Variants in TRIM48 observed in about 807,000 individuals in gnomAD.
TRIM48 encodes the protein tripartite motif containing 48, also known as E3 ubiquitin-protein ligase TRIM48.
TRIM48 carries 31 observed loss-of-function variants against 29.5 expected under a neutral mutation model. The observed-to-expected ratio is 1.05, with a 90% CI of 0.79 to 1.42. TRIM48 has a LOEUF of 1.42. Among genes scored for constraint, TRIM48 ranks in the 40% most tolerant of loss-of-function variants. TRIM48 has a pLI of 0.00. For missense variants in TRIM48, 344 were observed against 265.0 expected (o/e 1.30, Z -2.07); for synonymous variants, 128 against 90.6 (o/e 1.41, Z -2.34).
rs1333092543 is a variant in TRIM48, at chr11:55,268,827, G to A, written c.579-415G>A. Among the ~76,000 whole-genome samples the A allele has an allele frequency of 1.8e-4, 26 of 147,906 alleles. 2 individuals carry two copies. Among genetic ancestry groups the A allele is most frequent in the African/African-American group, 6.4e-4 (26 of 40,442 alleles). ...TCTCTAGGGAAGCTTGTTTCTAAAA[G>A]GCAGGTCTAGCTGCCTAGGACAAGT... On this transcript the variant is annotated intron_variant, in intron 4 of 5. Coordinates refer to ENST00000417545, the MANE Select transcript of TRIM48 (RefSeq NM_024114.5).
In TRIM48 at chr11:55,268,372, G is replaced by C. The variant is rs1389882555; in HGVS notation, c.578G>C (p.Arg193Thr). The change falls in exon 4 of 6, where the codon AGG becomes ACG. Residue 193 changes from arginine (R) to threonine (T), a missense_variant and splice_region_variant. By Grantham distance (71) the Arg-to-Thr change is moderately conservative. Coordinates refer to ENST00000417545, the MANE Select transcript of TRIM48 (RefSeq NM_024114.5). ...HWKAFGDILYRSESVLLHMPQ... is the reference protein window; with the variant it reads ...HWKAFGDILYTSESVLLHMPQ... ...CAGGCTTTTGGAGACATATTATACAGGTGAGTATGTACCTGGATTTTAGCA... is the reference window on the plus strand; with the variant it reads ...CAGGCTTTTGGAGACATATTATACACGTGAGTATGTACCTGGATTTTAGCA... 1 of 1,553,258 alleles carries C rather than the reference G, an allele frequency of 6.4e-7. No homozygotes were observed. The highest frequency in any genetic ancestry group is 1.4e-5 in the African/African-American group (1 of 72,362).
In TRIM48 at chr11:55,268,584, T is replaced by C. The variant is rs920419298; in HGVS notation, c.578+212T>C. On this transcript the variant is annotated intron_variant, in intron 4 of 5. Transcript: ENST00000417545. ...AGTAAAATTTTAAAAAACATGTTTA[T>C]TCCTGACTTTGTTTTATTGCTTAAA... Among the ~76,000 whole-genome samples the C allele has an allele frequency of 4.1e-5, 6 of 147,954 alleles. 1 individual carries two copies. The highest frequency in any genetic ancestry group is 4.9e-5 in the African/African-American group (2 of 40,536).
In TRIM48 at chr11:55,265,023, C is replaced by A. The variant is rs148153383; in HGVS notation, c.168C>A (p.Tyr56Ter). ...ACAGCTTTTGCAGGCCCTGTTTCTA[C>A]CTCAACTGGCAAGACATCCCAATTC... ...CGHSFCRPCF[Y>*]LNWQDIPILT... Residue 56 changes from tyrosine (Y) to a stop codon, truncating the protein, a stop_gained, in exon 2 of 6, where the codon TAC becomes TAA. Transcript: ENST00000417545. LOFTEE classifies it high-confidence loss of function. The A allele has an allele frequency of 3.2e-6, 5 of 1,584,340 alleles. No individual in the cohort carries two copies. In the Admixed American group the frequency reaches 8.5e-5, roughly 27 times the overall value.
rs1425217900 is a variant in TRIM48 at position 55,270,279 on chromosome 11, T to A, written c.*2-158T>A. 4.0e-5 allele frequency among the ~76,000 whole-genome samples: 6 copies of A among 148,188 alleles called. 1 individual carries two copies. The South Asian group carries it at 7.2e-4, about 18-fold the overall frequency. On this transcript the variant is annotated intron_variant, in intron 5 of 5. Transcript: ENST00000417545. Reference sequence around the variant, plus strand: ...TGTCTTGTAGATAATATTAATCATCTCTATACTTTATTAGAAGTTACAAGC... The same window carrying A: ...TGTCTTGTAGATAATATTAATCATCACTATACTTTATTAGAAGTTACAAGC...
At chr11:55,264,345 T>C (rs1391718296) in intron 1 of TRIM48, among the ~76,000 whole-genome samples, 1 of 147,980 alleles carries the variant, frequency 6.8e-6, no homozygotes, top group Admixed American at 6.8e-5. Flanking sequence ...TGGTTTTTTA[T>C]TTTACTTTAA....
intron 5 of TRIM48, among the ~76,000 whole-genome samples, chr11:55,269,900 A>G (rs1177835097): frequency 6.8e-6 from 1 of 148,024 alleles, no homozygotes; most frequent in Admixed American, 6.8e-5. Flanking sequence ...TGTTAAGTCT[A>G]AAATCCAGCT....
Position 55,265,356 on chromosome 11 carries a change from T to A in TRIM48, c.459+42T>A, listed in dbSNP as rs192689465. 2.3e-5 allele frequency: 37 copies of A among 1,579,334 alleles called. 4 individuals are homozygous for A. In the African/African-American group the frequency reaches 4.2e-4, roughly 18 times the overall value. On this transcript the variant is annotated intron_variant, in intron 2 of 5. Transcript: ENST00000417545. ...AAGATCTATTTCTATAAAGGACACA[T>A]GAAATTCCTGTGGCCCTATTTTCTT... is the stretch of plus-strand genomic sequence containing the variant.
rs1030360446 is a variant in TRIM48, at chr11:55,267,460, T to C, written c.556-890T>C. On this transcript the variant is annotated intron_variant, in intron 3 of 5. Transcript: ENST00000417545. Reference sequence around the variant, plus strand: ...TTAAAGCTGAGTATCAGAAGATGCCTGCATTTCATCATGAAGAAGAAAAAC... The same window carrying C: ...TTAAAGCTGAGTATCAGAAGATGCCCGCATTTCATCATGAAGAAGAAAAAC... 4 of 1,579,104 alleles carry C rather than the reference T, an allele frequency of 2.5e-6. No individual in the cohort carries two copies. The African/African-American group carries it at 4.1e-5, about 16-fold the overall frequency.
At position 55,263,190 on chromosome 11, in the gene TRIM48, T is replaced by C. The variant is rs537229162; in HGVS notation, c.44+879T>C. 1.9e-4 allele frequency among the ~76,000 whole-genome samples: 29 copies of C among 152,244 alleles called. No homozygotes were observed. The East Asian group carries it at 5.4e-3, about 28-fold the overall frequency. On this transcript the variant is annotated intron_variant, in intron 1 of 5. Transcript: ENST00000417545. ...ACTGCACCTTTTCTGTATTTAAATG[T>C]TTACATACTAAATAATTACCACTGT...
Position 55,269,260 on chromosome 11 carries a change from G to A in TRIM48, c.597G>A (p.Leu199=), listed in dbSNP as rs779192114. ...DILYRSESVL[L]HMPQPLNLAL... ...CTTGCAGGAGTGAGTCCGTGCTGCTGCACATGCCCCAGCCTCTGAATCTAG... is the reference window on the plus strand; with the variant it reads ...CTTGCAGGAGTGAGTCCGTGCTGCTACACATGCCCCAGCCTCTGAATCTAG... Residue 199 remains leucine, a synonymous_variant, in exon 5 of 6, where the codon CTG becomes CTA. Transcript: ENST00000417545. 6.3e-7 allele frequency: 1 copy of A among 1,575,660 alleles called. No individual in the cohort carries two copies. Among genetic ancestry groups the A allele is most frequent in the East Asian group, 2.4e-5 (1 of 41,396 alleles).
rs548237300 is a variant in TRIM48, at chr11:55,263,317, C to T, written c.44+1006C>T. On this transcript the variant is annotated intron_variant, in intron 1 of 5. Coordinates refer to ENST00000417545, the MANE Select transcript of TRIM48 (RefSeq NM_024114.5). ...TACCATAGGTTTGTAGCAGGCTATA[C>T]CATCTAGGTTTGTAAAGGTAGATTC... is the stretch of plus-strand genomic sequence containing the variant. Among the ~76,000 whole-genome samples, 10 of 152,096 alleles carry T rather than the reference C, an allele frequency of 6.6e-5. No individual in the cohort carries two copies. In the East Asian group the frequency reaches 1.7e-3, roughly 27 times the overall value.
Position 55,269,300 on chromosome 11 carries a change from C to T in TRIM48, c.637C>T (p.Pro213Ser). ...TCTGAATCTAGCGCTCAGGGCAGGG[C>T]CCATCACTGGACTGAGGGACAGGCT... ...QPLNLALRAG[P>S]ITGLRDRLNQ... The change falls in exon 5 of 6, where the codon CCC becomes TCC. Residue 213 changes from proline (P) to serine (S), a missense_variant. Pro to Ser is a moderately conservative substitution (Grantham distance 74). Coordinates refer to ENST00000417545, the MANE Select transcript of TRIM48 (RefSeq NM_024114.5). 6.3e-7 allele frequency: 1 copy of T among 1,576,032 alleles called. No homozygotes were observed. Among genetic ancestry groups the T allele is most frequent in the Non-Finnish European group, 8.6e-7 (1 of 1,166,032 alleles).
chr11:55,265,497 C>T lies in TRIM48; in HGVS notation c.460-103C>T, dbSNP rs1382747119. 4 of 1,486,094 alleles carry T rather than the reference C, an allele frequency of 2.7e-6. No individual in the cohort carries two copies. In the Admixed American group the frequency reaches 5.8e-5, roughly 22 times the overall value. The allele number at this position is 1,486,094 out of a possible 1,614,324, so 92.1% of individuals were successfully genotyped here. A position where few individuals can be genotyped will look rare whatever the true frequency, so the allele number is the denominator to read the frequency against. ...AGTGAAACAGAAGAAATGCCATTTA[C>T]TAGGGACTTATTTGTCTCTCATTCT... On this transcript the variant is annotated intron_variant, in intron 2 of 5. Coordinates refer to ENST00000417545, the MANE Select transcript of TRIM48 (RefSeq NM_024114.5).
chr11:55,262,232 A>C lies in TRIM48; in HGVS notation c.-36A>C. The C allele has an allele frequency of 6.5e-7, 1 of 1,539,060 alleles. No individual in the cohort carries two copies. The highest frequency in any genetic ancestry group is 8.8e-7 in the Non-Finnish European group (1 of 1,137,464). ...CCTCTGAAACTCAGTACTGCAGCGA[A>C]TGAGCTCCTGACCTTGAGGAGTACT... On this transcript the variant is annotated 5_prime_UTR_variant, in exon 1 of 6. An upstream start codon of the reference 5' UTR is lost. Transcript: ENST00000417545.
chr11:55,270,251 G>A (rs570494867), intron 5 of TRIM48, among the ~76,000 whole-genome samples, 186 bp from the exon 6 acceptor site: 1 of 147,944 alleles, frequency 6.8e-6, no homozygotes, highest in Non-Finnish European at 1.5e-5. Flanking sequence ...TTAGCATTTT[G>A]TTTGTCTTGT....
chr11:55,265,440 A>C lies in TRIM48; in HGVS notation c.459+126A>C. The C allele has an allele frequency of 3.3e-6, 5 of 1,500,206 alleles. 2 individuals are homozygous for C. Among genetic ancestry groups the C allele is most frequent in the Non-Finnish European group, 4.5e-6 (5 of 1,114,822 alleles). 92.9% of individuals were successfully genotyped at this position (1,500,206 alleles called of 1,614,324 possible). A position where few individuals can be genotyped will look rare whatever the true frequency, so the allele number is the denominator to read the frequency against. On this transcript the variant is annotated intron_variant, in intron 2 of 5. Transcript: ENST00000417545. ...AAGCAACTCTCTTTTGGGCTTTCTTAGCTTCAAACCTCTGAGATTTGACGA... is the reference window on the plus strand; with the variant it reads ...AAGCAACTCTCTTTTGGGCTTTCTTCGCTTCAAACCTCTGAGATTTGACGA...
chr11:55,271,050 T>C lies in TRIM48; in HGVS notation c.*615T>C. 1 of 1,309,030 alleles carries C rather than the reference T, an allele frequency of 7.6e-7. No individual in the cohort carries two copies. Among genetic ancestry groups the C allele is most frequent in the Non-Finnish European group, 1.0e-6 (1 of 972,706 alleles). 81.1% of individuals were successfully genotyped at this position (1,309,030 alleles called of 1,614,324 possible). On this transcript the variant is annotated 3_prime_UTR_variant, in exon 6 of 6. Transcript: ENST00000417545. ...AATAGGTTCGGTTTTATGTCTTGAATTGCATTCTAATGTTATTAAAACTCA... is the reference window on the plus strand; with the variant it reads ...AATAGGTTCGGTTTTATGTCTTGAACTGCATTCTAATGTTATTAAAACTCA...
intron 2 of TRIM48, 75 bp downstream of exon 2, chr11:55,265,389 G>T (rs184175151): frequency 6.4e-7 from 1 of 1,566,234 alleles, no homozygotes; most frequent in African/African-American, 1.4e-5. Context: ...CTTGGAGATT[G>T]GGTAAAGCCA....
At chr11:55,268,966 G>T (rs185268074) in intron 4 of TRIM48, among the ~76,000 whole-genome samples, 1 of 147,622 alleles carries the variant, frequency 6.8e-6, no homozygotes, top group African/African-American at 2.5e-5. Context: ...TCAGAATTTC[G>T]TTTCTAAATA....
Sources: allele counts gnomAD v4.1 joint callset (sites outside exome capture counted in the v4.1 genomes callset), GRCh38; gene constraint gnomAD v4.1.1; transcripts MANE v1.5; gene names NCBI Gene and HGNC (gene_info 2026-07-23, HGNC 2026-07-21).